IGF2BP3: variants seen among roughly 807,000 people sequenced by gnomAD.
The protein encoded by IGF2BP3 is insulin like growth factor 2 mRNA binding protein 3, also known as insulin-like growth factor 2 mRNA-binding protein 3.
Under a neutral mutation model 73.8 loss-of-function variants are expected in IGF2BP3, and 9 were observed. That is an observed-to-expected ratio of 0.12 (90% confidence interval 0.07 to 0.21). IGF2BP3 has a LOEUF of 0.21. Among genes scored for constraint, IGF2BP3 ranks in the 10% least tolerant of loss-of-function variants. The probability of loss-of-function intolerance (pLI) is 1.00; values close to 1 mark genes in which losing one functional copy is unlikely to be tolerated. For synonymous variants in IGF2BP3, 258 were observed against 256.7 expected, an observed-to-expected ratio of 1.01 and a Z score of -0.05; for missense variants, 542 against 714.0, an observed-to-expected ratio of 0.76 and a Z score of 2.75.
At chr7:23,424,529 C>T (rs1323232914) in intron 2 of IGF2BP3, among the ~76,000 whole-genome samples, 1 of 152,052 alleles carries the variant, frequency 6.6e-6, no homozygotes, top group Non-Finnish European at 1.5e-5. Context: ...AAAAACTGCC[C>T]ACTCTGCTAG....
At chr7:23,396,705 G>A (rs907397089) in intron 3 of IGF2BP3, among the ~76,000 whole-genome samples, 30 of 151,774 alleles carry the variant, frequency 2.0e-4, no homozygotes, top group Admixed American at 1.9e-3. Context: ...TGTTGGGGGG[G>A]AAAAAAAAGA....
chr7:23,418,720 C>G, intron 3 of IGF2BP3, 56 bp downstream of exon 3: 1 of 1,155,114 alleles, frequency 8.7e-7, no homozygotes, highest in Admixed American at 2.2e-5. Context: ...TTTGAAAAAA[C>G]TAACAGCAAT....
At chr7:23,361,033 T>C (rs1322002265) in intron 5 of IGF2BP3, among the ~76,000 whole-genome samples, 1 of 152,214 alleles carries the variant, frequency 6.6e-6, no homozygotes, top group Non-Finnish European at 1.5e-5. Flanking sequence ...TGGAATATAT[T>C]TTTTTCCATA....
intron 2 of IGF2BP3, among the ~76,000 whole-genome samples, chr7:23,461,126 ACTCTC>A (rs1370594830): frequency 1.4e-5 from 2 of 146,562 alleles, no homozygotes; most frequent in Non-Finnish European, 3.0e-5. Flanking sequence ...CATCTACATC[ACTCTC>A]GGTGGTATTC....
chr7:23,405,260 C>T lies in IGF2BP3; in HGVS notation c.285+13516G>A, dbSNP rs574921728. ...TTTAGTTCCAGGTTCTAGATCCAGA[C>T]AAATTTCAATAAGCACACCCACCTT... On this transcript the variant is annotated intron_variant, in intron 3 of 14. Transcript: ENST00000258729. The T allele has an allele frequency of 2.0e-5, 3 of 152,270 alleles. No homozygotes were observed. In the East Asian group the frequency reaches 5.8e-4, roughly 29 times the overall value. 9.4% of individuals were successfully genotyped at this position (152,270 alleles called of 1,614,324 possible). A position where few individuals can be genotyped will look rare whatever the true frequency, so the allele number is the denominator to read the frequency against.
rs1339229328 is a variant in IGF2BP3, at chr7:23,468,476, G to A, written c.236+6C>T. ...AGAATCGGGGCAAACAGAAGCAGCA[G>A]CTCACCTTTGCCTTTTTGGGACCGA... On this transcript the variant is annotated splice_donor_region_variant and intron_variant, in intron 2 of 14. Coordinates refer to ENST00000258729, the MANE Select transcript of IGF2BP3 (RefSeq NM_006547.3). 5.0e-6 allele frequency: 8 copies of A among 1,614,024 alleles called. No individual in the cohort carries two copies. Among genetic ancestry groups the A allele is most frequent in the Admixed American group, 1.7e-5 (1 of 60,014 alleles).
intron 12 of IGF2BP3, among the ~76,000 whole-genome samples, chr7:23,317,325 A>T (rs1476506625): frequency 6.6e-6 from 1 of 152,188 alleles, no homozygotes; most frequent in African/African-American, 2.4e-5. Context: ...AAACATCTGA[A>T]AACAAGTTTC....
At chr7:23,370,386 T>C (rs1176233526) in intron 3 of IGF2BP3, among the ~76,000 whole-genome samples, 2 of 152,206 alleles carry the variant, frequency 1.3e-5, no homozygotes, top group Non-Finnish European at 2.9e-5. Context: ...CAAATCTTTT[T>C]TATTTGACTG....
At chr7:23,329,142 G>A (rs1004158787) in intron 10 of IGF2BP3, among the ~76,000 whole-genome samples, 4 of 152,004 alleles carry the variant, frequency 2.6e-5, no homozygotes, top group Non-Finnish European at 4.4e-5. Context: ...GAACCCGGAA[G>A]GTGGAGCTTG....
intron 12 of IGF2BP3, among the ~76,000 whole-genome samples, chr7:23,314,822 G>C (rs752568344): frequency 7.2e-5 from 11 of 152,110 alleles, no homozygotes; most frequent in Non-Finnish European, 1.5e-4. Flanking sequence ...TTTTGAGACA[G>C]AGTCTCACCC....
intron 2 of IGF2BP3, among the ~76,000 whole-genome samples, chr7:23,429,859 T>TA (rs1391449075): frequency 2.6e-5 from 4 of 152,190 alleles, no homozygotes; most frequent in Non-Finnish European, 2.9e-5. Flanking sequence ...GTATTAGACC[T>TA]GCAACCTTTC....
intron 3 of IGF2BP3, among the ~76,000 whole-genome samples, chr7:23,390,499 G>C (rs1349046449): frequency 6.6e-6 from 1 of 152,190 alleles, no homozygotes; most frequent in Non-Finnish European, 1.5e-5. Context: ...AGTGCCGCTA[G>C]ATTAGGGTAA....
intron 2 of IGF2BP3, among the ~76,000 whole-genome samples, chr7:23,451,705 T>G (rs918374476): frequency 1.3e-5 from 2 of 151,994 alleles, no homozygotes; most frequent in African/African-American, 4.8e-5. Context: ...TCACAACACC[T>G]TGGGAGGCCG....
At chr7:23,428,998 G>A (rs1345691330) in intron 2 of IGF2BP3, among the ~76,000 whole-genome samples, 1 of 152,034 alleles carries the variant, frequency 6.6e-6, no homozygotes, top group Non-Finnish European at 1.5e-5. Flanking sequence ...CTGTTATGAC[G>A]TGATATTCTA....
At chr7:23,403,900 A>G (rs572603165) in intron 3 of IGF2BP3, among the ~76,000 whole-genome samples, 2 of 152,094 alleles carry the variant, frequency 1.3e-5, no homozygotes, top group African/African-American at 4.8e-5. Context: ...AGGGAGGAGG[A>G]TCGCTTAAGC....
rs112818793 is a variant in IGF2BP3, at chr7:23,459,047, T to A, written c.236+9435A>T. Among the ~76,000 whole-genome samples, 685 of 152,364 alleles carry A rather than the reference T, an allele frequency of 4.5e-3. 3 individuals are homozygous for A. Among genetic ancestry groups the A allele is most frequent in the African/African-American group, 0.015 (629 of 41,580 alleles). On this transcript the variant is annotated intron_variant, in intron 2 of 14. Coordinates refer to ENST00000258729, the MANE Select transcript of IGF2BP3 (RefSeq NM_006547.3). ...CAGGGTTCTATGGAGAATCCTTTGG[T>A]AAAGCATCTACTGTGCTATCTCATT...
chr7:23,416,599 A>G (rs550665828), intron 3 of IGF2BP3, among the ~76,000 whole-genome samples: 1 of 152,374 alleles, frequency 6.6e-6, no homozygotes, highest in African/African-American at 2.4e-5. Flanking sequence ...TTAAAGTAGA[A>G]GGTACATAAG....
chr7:23,363,850 G>A (rs910490433), intron 3 of IGF2BP3, among the ~76,000 whole-genome samples: 1 of 152,234 alleles, frequency 6.6e-6, no homozygotes, highest in Non-Finnish European at 1.5e-5. Context: ...GCCATGTGAT[G>A]TTGATCACAG....
intron 3 of IGF2BP3, among the ~76,000 whole-genome samples, chr7:23,401,247 G>T (rs551007974): frequency 6.6e-6 from 1 of 152,292 alleles, no homozygotes; most frequent in East Asian, 1.9e-4. Flanking sequence ...CTTCCCAGCA[G>T]TACTTGCCTT....
Sources: allele counts gnomAD v4.1 joint callset (sites outside exome capture counted in the v4.1 genomes callset), GRCh38; gene constraint gnomAD v4.1.1; transcripts MANE v1.5; gene names NCBI Gene and HGNC (gene_info 2026-07-23, HGNC 2026-07-21).